The following B4GALT6 variants were observed in gnomAD, a reference collection of about 807,000 sequenced individuals.
The protein encoded by B4GALT6 is beta-1,4-galactosyltransferase 6.
In B4GALT6, 14 loss-of-function variants were observed where a neutral mutation model predicts 46.3. The ratio of observed to expected loss-of-function variants is 0.30; its 90% CI spans 0.20 to 0.47. B4GALT6 has a LOEUF of 0.47. Ranked by LOEUF, B4GALT6 falls within the 20% of genes least tolerant of loss-of-function variation. B4GALT6 has a pLI of 0.99. For synonymous variants in B4GALT6, 168 were observed against 162.0 expected, an observed-to-expected ratio of 1.04 and a Z score of -0.28; for missense variants, 386 against 480.1, an observed-to-expected ratio of 0.80 and a Z score of 1.83.
At chr18:31,704,768 C>A in the B4GALT6 span, among the ~76,000 whole-genome samples, 1 of 152,088 alleles carries the variant, frequency 6.6e-6, no homozygotes, top group Admixed American at 6.5e-5. Flanking sequence ...AGTTAAACCA[C>A]CTATAATAGG....
intron 6 of B4GALT6, 40 bp from the exon 7 acceptor site, chr18:31,627,161 A>C: frequency 6.5e-7 from 1 of 1,545,306 alleles, no homozygotes; most frequent in South Asian, 1.2e-5. Flanking sequence ...ATAAAATCAT[A>C]ATAATTTCCC....
the B4GALT6 span, among the ~76,000 whole-genome samples, chr18:31,690,981 C>A: frequency 6.6e-6 from 1 of 151,792 alleles, no homozygotes; most frequent in Admixed American, 6.6e-5. Context: ...CACACCGGAG[C>A]CTGTCAGTGG....
At chr18:31,722,778 T>C in the B4GALT6 span, among the ~76,000 whole-genome samples, 1 of 152,190 alleles carries the variant, frequency 6.6e-6, no homozygotes, top group Admixed American at 6.5e-5. Flanking sequence ...ACCACAGCGC[T>C]ACTATGATCC....
Position 31,624,617 on chromosome 18 carries a change from C to T in B4GALT6, c.*997G>A, listed in dbSNP as rs1236361273. 4.0e-5 allele frequency: 6 copies of T among 151,774 alleles called. No homozygotes were observed. The highest frequency in any genetic ancestry group is 6.6e-5 in the Admixed American group (1 of 15,258). 9.4% of individuals were successfully genotyped at this position (151,774 alleles called of 1,614,324 possible). A position where few individuals can be genotyped will look rare whatever the true frequency, so the allele number is the denominator to read the frequency against. The stretch of plus-strand genomic sequence containing the variant: ...TACTATTGGGTTTTCTTCCATAGAT[C>T]ATTCTTTTAAAAAAACTGACTTGAT... On this transcript the variant is annotated 3_prime_UTR_variant, in exon 9 of 9. Coordinates refer to ENST00000306851, the MANE Select transcript of B4GALT6 (RefSeq NM_004775.5).
chr18:31,640,520 A>G (rs2073916532), intron 4 of B4GALT6, among the ~76,000 whole-genome samples: 2 of 152,214 alleles, frequency 1.3e-5, no homozygotes. Context: ...GATAGCAAAA[A>G]CAAGAGACAA....
intron 3 of B4GALT6, among the ~76,000 whole-genome samples, chr18:31,651,627 G>A (rs554992835): frequency 9.9e-5 from 15 of 152,110 alleles, no homozygotes; most frequent in Admixed American, 2.0e-4. Context: ...CAAATAAACC[G>A]CGGGCTTCCT....
intron 5 of B4GALT6, among the ~76,000 whole-genome samples, chr18:31,638,350 AC>A (rs1368696263): frequency 1.3e-5 from 2 of 152,042 alleles, no homozygotes; most frequent in Admixed American, 1.3e-4. Flanking sequence ...ACACGGTGAA[AC>A]CCTGTATCTA....
intron 1 of B4GALT6, among the ~76,000 whole-genome samples, chr18:31,674,694 G>C (rs2074396340): frequency 6.6e-6 from 1 of 151,950 alleles, no homozygotes; most frequent in Admixed American, 6.6e-5. Context: ...CATCCATGTG[G>C]GTAAAGGAAA....
chr18:31,722,405 T>C, the B4GALT6 span, among the ~76,000 whole-genome samples: 5 of 152,202 alleles, frequency 3.3e-5, no homozygotes. Context: ...TAGAGCTTGG[T>C]ACCATATATC....
intron 3 of B4GALT6, among the ~76,000 whole-genome samples, chr18:31,652,017 G>A (rs530299170): frequency 9.9e-5 from 15 of 152,048 alleles, no homozygotes; most frequent in South Asian, 8.3e-4. Flanking sequence ...TTATCTGCCC[G>A]CCTCGGCCTC....
chr18:31,696,305 G>A, the B4GALT6 span, among the ~76,000 whole-genome samples: 4 of 152,248 alleles, frequency 2.6e-5, no homozygotes, highest in South Asian at 8.3e-4. Flanking sequence ...ATTTGGCATT[G>A]CTGAAGAAGA....
At chr18:31,670,926 A>G (rs2074347131) in intron 1 of B4GALT6, among the ~76,000 whole-genome samples, 1 of 151,212 alleles carries the variant, frequency 6.6e-6, no homozygotes, top group Non-Finnish European at 1.5e-5. Flanking sequence ...GAGAGGCCCC[A>G]GTGTGTGATG....
intron 1 of B4GALT6, among the ~76,000 whole-genome samples, chr18:31,672,720 CCA>C (rs1461224891): frequency 1.3e-5 from 2 of 152,176 alleles, no homozygotes; most frequent in African/African-American, 4.8e-5. Flanking sequence ...ATTATTATCC[CCA>C]TTTTTCAGAT....
intron 1 of B4GALT6, 83 bp from the exon 2 acceptor site, chr18:31,666,455 G>T: frequency 1.8e-6 from 1 of 548,856 alleles, no homozygotes; most frequent in Non-Finnish European, 3.0e-6. Context: ...AATTGGGGAA[G>T]TGCCCAATAA....
chr18:31,685,728 A>T (rs564047369), upstream of B4GALT6: 1 of 152,316 alleles, frequency 6.6e-6, no homozygotes, highest in African/African-American at 2.4e-5. Flanking sequence ...AGGATGCTGT[A>T]CCTGAAAGGA....
intron 3 of B4GALT6, among the ~76,000 whole-genome samples, chr18:31,657,339 A>C (rs2074152943): frequency 6.6e-6 from 1 of 152,212 alleles, no homozygotes; most frequent in African/African-American, 2.4e-5. Context: ...GTAATAGTTA[A>C]GGGAAAAAAA....
upstream of B4GALT6, among the ~76,000 whole-genome samples, chr18:31,685,469 G>A (rs963602477): frequency 6.6e-6 from 1 of 151,712 alleles, no homozygotes; most frequent in Admixed American, 6.6e-5. Flanking sequence ...CTCGGAACTC[G>A]GCAGGCGGCG....
At chr18:31,647,076 G>A (rs2144591040) in intron 3 of B4GALT6, among the ~76,000 whole-genome samples, 2 of 152,322 alleles carry the variant, frequency 1.3e-5, no homozygotes, top group Middle Eastern at 3.4e-3. Flanking sequence ...AGACTATCAT[G>A]ACTCAGCTGA....
chr18:31,684,529 G>A lies in B4GALT6; in HGVS notation c.-103C>T. 1 of 1,514,794 alleles carries A rather than the reference G, an allele frequency of 6.6e-7. No individual in the cohort carries two copies. The allele number at this position is 1,514,794 out of a possible 1,614,324, so 93.8% of individuals were successfully genotyped here. A position where few individuals can be genotyped will look rare whatever the true frequency, so the allele number is the denominator to read the frequency against. ...TAAATGTGCTGAGAACCCCGAGACT[G>A]CAGCGGGGTCCGCGCGGGGAGGCTC... On this transcript the variant is annotated 5_prime_UTR_variant, in exon 1 of 9. Coordinates refer to ENST00000306851, the MANE Select transcript of B4GALT6 (RefSeq NM_004775.5).
Sources: gnomAD v4.1 joint callset for allele counts (sites outside exome capture counted in the v4.1 genomes callset) on GRCh38, gnomAD v4.1.1 for gene constraint, MANE v1.5 for transcripts, NCBI Gene and HGNC (gene_info 2026-07-23, HGNC 2026-07-21) for gene names.